The following FYN variants were observed in gnomAD, a reference collection of about 807,000 sequenced individuals.
FYN encodes tyrosine-protein kinase Fyn.
A neutral mutation model predicts 70.2 loss-of-function variants in FYN; 10 were observed. That is an observed-to-expected ratio of 0.14 (90% confidence interval 0.09 to 0.24). FYN has a LOEUF of 0.24. Ranked by LOEUF, FYN falls within the 10% of genes least tolerant of loss-of-function variation. The probability of loss-of-function intolerance (pLI) is 1.00; values close to 1 mark genes in which losing one functional copy is unlikely to be tolerated. For missense variants in FYN, 319 were observed against 673.1 expected (o/e 0.47, Z 5.82); for synonymous variants, 236 against 248.6 (o/e 0.95, Z 0.48).
At chr6:111,797,709 T>TATATATATATAC (rs1771858136) in intron 2 of FYN, among the ~76,000 whole-genome samples, 1 of 87,216 alleles carries the variant, frequency 1.1e-5, no homozygotes, top group Non-Finnish European at 2.2e-5. Flanking sequence ...TATATATATA[T>TATATATATATAC]ATACACACAC....
intron 2 of FYN, among the ~76,000 whole-genome samples, chr6:111,820,899 T>C (rs1772636563): frequency 6.6e-6 from 1 of 152,170 alleles, no homozygotes. Flanking sequence ...ATCCTATTTA[T>C]GTTAAACAAC....
intron 2 of FYN, among the ~76,000 whole-genome samples, chr6:111,806,117 A>T (rs1416163838): frequency 6.6e-6 from 1 of 152,194 alleles, no homozygotes; most frequent in Non-Finnish European, 1.5e-5. Flanking sequence ...GTGCCCCAGC[A>T]CTAGCATCTA....
At chr6:111,798,292 C>T (rs943034487) in intron 2 of FYN, 1 of 152,132 alleles carries the variant, frequency 6.6e-6, no homozygotes, top group African/African-American at 2.4e-5. Context: ...ACCACACTGG[C>T]ACATGTCGCA....
chr6:111,843,406 A>T (rs1773423022), intron 2 of FYN, among the ~76,000 whole-genome samples: 1 of 152,214 alleles, frequency 6.6e-6, no homozygotes, highest in South Asian at 2.1e-4. Context: ...TTCACTTTTT[A>T]AAAATACACT....
intron 12 of FYN, among the ~76,000 whole-genome samples, chr6:111,693,972 CTGCACCA>C (rs961500167): frequency 6.6e-6 from 1 of 152,204 alleles, no homozygotes; most frequent in Non-Finnish European, 1.5e-5. Flanking sequence ...CTCTGAGACA[CTGCACCA>C]TGCCCTGTTG....
At chr6:111,767,715 G>C (rs72942166) in intron 3 of FYN, among the ~76,000 whole-genome samples, 3,508 of 152,208 alleles carry the variant, frequency 0.023, 77 homozygotes, top group African/African-American at 0.051. Flanking sequence ...GTGCTATCTT[G>C]AAAATTACGT....
chr6:111,724,450 C>T (rs2056701), intron 3 of FYN, among the ~76,000 whole-genome samples: 18,427 of 152,164 alleles, frequency 0.12, 2,192 homozygotes, highest in African/African-American at 0.3. Context: ...GCACATTAAA[C>T]ACAGACACAT....
At chr6:111,812,243 G>A (rs1188756447) in intron 2 of FYN, among the ~76,000 whole-genome samples, 1 of 152,230 alleles carries the variant, frequency 6.6e-6, no homozygotes, top group African/African-American at 2.4e-5. Context: ...CTGGGCAGGA[G>A]TGGGGGTGAC....
At chr6:111,665,282 C>T (rs554710044) in intron 13 of FYN, among the ~76,000 whole-genome samples, 151 of 152,158 alleles carry the variant, frequency 9.9e-4, no homozygotes, top group Middle Eastern at 6.8e-3. Flanking sequence ...ATTAGGGATA[C>T]TTAACCTGTA....
intron 5 of FYN, among the ~76,000 whole-genome samples, chr6:111,713,475 TCTTTC>T (rs1800481508): frequency 6.6e-6 from 1 of 152,006 alleles, no homozygotes; most frequent in Non-Finnish European, 1.5e-5. Flanking sequence ...TGGGTGGCAT[TCTTTC>T]CCAACCACCG....
At chr6:111,731,815 T>G (rs1388650208) in intron 3 of FYN, among the ~76,000 whole-genome samples, 2 of 152,228 alleles carry the variant, frequency 1.3e-5, no homozygotes, top group Admixed American at 1.3e-4. Context: ...GAGGATGGTC[T>G]CTGCCTTCCC....
At chr6:111,790,192 CATTTT>C (rs1410907557) in intron 2 of FYN, among the ~76,000 whole-genome samples, 2 of 145,666 alleles carry the variant, frequency 1.4e-5, no homozygotes, top group African/African-American at 5.1e-5. Flanking sequence ...TAATGGGAAC[CATTTT>C]ATTTCAAAAA....
chr6:111,771,987 G>A (rs1370624440), intron 3 of FYN, among the ~76,000 whole-genome samples: 2 of 152,118 alleles, frequency 1.3e-5, no homozygotes, highest in South Asian at 2.1e-4. Flanking sequence ...TGGAATTGTT[G>A]AAAAATCCTA....
chr6:111,794,770 T>G (rs1771749074), intron 2 of FYN, among the ~76,000 whole-genome samples: 1 of 152,224 alleles, frequency 6.6e-6, no homozygotes, highest in African/African-American at 2.4e-5. Context: ...AGAATTGTCT[T>G]GATAGAGACT....
chr6:111,758,023 T>C (rs1802819655), intron 3 of FYN, among the ~76,000 whole-genome samples: 2 of 152,338 alleles, frequency 1.3e-5, no homozygotes, highest in Admixed American at 6.5e-5. Flanking sequence ...TGGATCTTGC[T>C]GGACAACTCA....
chr6:111,718,716 G>A (rs1471820525), intron 4 of FYN, among the ~76,000 whole-genome samples: 1 of 152,206 alleles, frequency 6.6e-6, no homozygotes, highest in Non-Finnish European at 1.5e-5. Context: ...TGGGAAGGAT[G>A]GGTAAAGGTA....
chr6:111,708,082 A>G (rs1800185889), intron 5 of FYN, 62 bp from the exon 6 acceptor site: 2 of 1,255,582 alleles, frequency 1.6e-6, no homozygotes, highest in Non-Finnish European at 1.2e-6. Flanking sequence ...TTAGAGACTC[A>G]CTGTGGTCTG....
chr6:111,776,097 G>T (rs150422467), intron 3 of FYN, among the ~76,000 whole-genome samples: 72 of 152,236 alleles, frequency 4.7e-4, no homozygotes, highest in African/African-American at 1.6e-3. Flanking sequence ...AGCAAGTTCT[G>T]ACCTCTCCTT....
At chr6:111,861,771 AG>A (rs1346719531) in intron 1 of FYN, among the ~76,000 whole-genome samples, 10 of 152,366 alleles carry the variant, frequency 6.6e-5, no homozygotes, top group Middle Eastern at 3.4e-3. Context: ...GTTTCGTTAT[AG>A]AAATGACTCC....
Sources: allele counts gnomAD v4.1 joint callset (sites outside exome capture counted in the v4.1 genomes callset), GRCh38; gene constraint gnomAD v4.1.1; transcripts MANE v1.5; gene names NCBI Gene and HGNC (gene_info 2026-07-23, HGNC 2026-07-21).